Variants in IMMP2L observed in about 807,000 individuals in gnomAD.
IMMP2L encodes the protein mitochondrial inner membrane protease subunit 2.
A neutral mutation model predicts 19.3 loss-of-function variants in IMMP2L; 18 were observed. That is an observed-to-expected ratio of 0.93 (90% CI 0.64 to 1.38). The LOEUF (loss-of-function observed/expected upper bound fraction) is 1.38, where lower values mean the gene tolerates loss of function less well. Among genes scored for constraint, IMMP2L ranks in the 40% most tolerant of loss-of-function variants. The pLI is 0.00. For synonymous variants in IMMP2L, 76 were observed against 73.0 expected (o/e 1.04, Z -0.21); for missense variants, 233 against 218.2 (o/e 1.07, Z -0.43).
intron 3 of IMMP2L, among the ~76,000 whole-genome samples, chr7:111,446,042 G>T (rs373257483): frequency 1.3e-5 from 2 of 152,124 alleles, no homozygotes; most frequent in South Asian, 4.2e-4. Context: ...CCCACACCTG[G>T]CTCGGAGGGT....
intron 3 of IMMP2L, among the ~76,000 whole-genome samples, chr7:111,222,828 T>A (rs1330081682): frequency 6.6e-6 from 1 of 152,070 alleles, no homozygotes; most frequent in Non-Finnish European, 1.5e-5. Flanking sequence ...CTTCTAGTTA[T>A]ATGCCCTAAA....
intron 3 of IMMP2L, among the ~76,000 whole-genome samples, chr7:111,325,413 TATA>T (rs1335596448): frequency 7.3e-5 from 11 of 151,670 alleles, no homozygotes; most frequent in African/African-American, 2.4e-4. Flanking sequence ...GCAAAATAAA[TATA>T]ATGTTTTAAT....
At chr7:110,770,613 T>A (rs1332301872) in intron 5 of IMMP2L, among the ~76,000 whole-genome samples, 1 of 152,176 alleles carries the variant, frequency 6.6e-6, no homozygotes, top group Admixed American at 6.5e-5. Flanking sequence ...TTTTTATACA[T>A]ACAATACAGC....
At chr7:110,713,313 CTTACA>C (rs976354297) in intron 5 of IMMP2L, among the ~76,000 whole-genome samples, 1 of 152,174 alleles carries the variant, frequency 6.6e-6, no homozygotes, top group African/African-American at 2.4e-5. Context: ...TTACTGTGGA[CTTACA>C]TTACTAGTTT....
chr7:111,106,921 ATG>A lies in IMMP2L; in HGVS notation c.240-143358_240-143357del, dbSNP rs1798612547. ...CATTCATTCAATAGTACCATGCAGA[ATG>A]ATTTGCTTAATAGCATTTCTAATAT... On this transcript the variant is annotated intron_variant, in intron 3 of 5. Coordinates refer to ENST00000405709, the MANE Select transcript of IMMP2L (RefSeq NM_032549.4). 2.0e-5 allele frequency among the ~76,000 whole-genome samples: 3 copies of A among 151,938 alleles called. 1 individual carries two copies. Among genetic ancestry groups the A allele is most frequent in the Admixed American group, 1.3e-4 (2 of 15,204 alleles).
chr7:110,777,923 TA>T (rs944098067), intron 5 of IMMP2L, among the ~76,000 whole-genome samples: 32 of 152,138 alleles, frequency 2.1e-4, no homozygotes, highest in African/African-American at 7.2e-4. Flanking sequence ...TCTGTTAGTC[TA>T]AAAAGGGAAA....
intron 5 of IMMP2L, among the ~76,000 whole-genome samples, chr7:110,845,586 A>T (rs1805577823): frequency 6.6e-6 from 1 of 152,104 alleles, no homozygotes; most frequent in African/African-American, 2.4e-5. Flanking sequence ...CTCTTTACTA[A>T]ACTTATTTCC....
intron 5 of IMMP2L, among the ~76,000 whole-genome samples, chr7:110,779,435 GAAC>G (rs1215354697): frequency 6.6e-6 from 1 of 151,884 alleles, no homozygotes; most frequent in East Asian, 1.9e-4. Flanking sequence ...TACTAAATTT[GAAC>G]AATGGAGGTT....
intron 3 of IMMP2L, among the ~76,000 whole-genome samples, chr7:111,126,705 C>A (rs1399800653): frequency 2.0e-5 from 3 of 151,948 alleles, no homozygotes; most frequent in Non-Finnish European, 4.4e-5. Flanking sequence ...GTCATTTTTA[C>A]AAACAAACCC....
intron 3 of IMMP2L, among the ~76,000 whole-genome samples, chr7:111,257,624 C>T (rs1042124354): frequency 6.6e-6 from 1 of 151,988 alleles, no homozygotes; most frequent in Non-Finnish European, 1.5e-5. Context: ...CAAATTCTTC[C>T]AAGATTTTGC....
At chr7:111,200,409 G>A (rs903106485) in intron 3 of IMMP2L, among the ~76,000 whole-genome samples, 14 of 151,838 alleles carry the variant, frequency 9.2e-5, no homozygotes, top group African/African-American at 2.9e-4. Context: ...AAACATATTG[G>A]CTTTATTTAC....
intron 5 of IMMP2L, among the ~76,000 whole-genome samples, chr7:110,759,883 T>C (rs1477005342): frequency 6.6e-6 from 1 of 152,106 alleles, no homozygotes; most frequent in Admixed American, 6.6e-5. Context: ...AGTTGCTTAT[T>C]ATTATTAGAT....
chr7:111,240,134 A>G (rs1814830315), intron 3 of IMMP2L, among the ~76,000 whole-genome samples: 2 of 151,950 alleles, frequency 1.3e-5, no homozygotes. Flanking sequence ...AAAGGGTATC[A>G]ATAATATAGA....
chr7:111,253,034 A>G (rs1033694656), intron 3 of IMMP2L, among the ~76,000 whole-genome samples: 4 of 152,158 alleles, frequency 2.6e-5, no homozygotes, highest in Non-Finnish European at 5.9e-5. Context: ...GCTTCTTCTA[A>G]TTTCTACAAG....
intron 5 of IMMP2L, among the ~76,000 whole-genome samples, chr7:110,670,272 C>T (rs1241641196): frequency 6.6e-6 from 1 of 152,182 alleles, no homozygotes; most frequent in Non-Finnish European, 1.5e-5. Context: ...CAAACATATA[C>T]TGAACCCTTG....
Position 110,868,705 on chromosome 7 carries a change from C to T in IMMP2L, c.408+17888G>A, listed in dbSNP as rs1370163632. ...GTTTACATAAGAAGTCAGCCAGCAA[C>T]TGTCTTTAAATGAATAATTGCAATG... On this transcript the variant is annotated intron_variant, in intron 5 of 5. Coordinates refer to ENST00000405709, the MANE Select transcript of IMMP2L (RefSeq NM_032549.4). 2.0e-5 allele frequency among the ~76,000 whole-genome samples: 3 copies of T among 152,066 alleles called. No homozygotes were observed. In the East Asian group the frequency reaches 5.8e-4, roughly 29 times the overall value.
At chr7:111,318,102 G>A (rs188123567) in intron 3 of IMMP2L, among the ~76,000 whole-genome samples, 50 of 152,258 alleles carry the variant, frequency 3.3e-4, no homozygotes, top group Non-Finnish European at 2.9e-5. Context: ...GATTAGGGAA[G>A]TAAAAACTAC....
chr7:111,180,386 T>A (rs1807570463), intron 3 of IMMP2L, among the ~76,000 whole-genome samples: 1 of 151,948 alleles, frequency 6.6e-6, no homozygotes, highest in Non-Finnish European at 1.5e-5. Flanking sequence ...GGAAAAGAGA[T>A]CCGGAACCTG....
At chr7:111,529,728 T>C (rs1416149834) in intron 1 of IMMP2L, among the ~76,000 whole-genome samples, 1 of 152,126 alleles carries the variant, frequency 6.6e-6, no homozygotes, top group Non-Finnish European at 1.5e-5. Context: ...CCCTATAAAA[T>C]TGCTTCTTTC....
Sources: allele counts gnomAD v4.1 joint callset (sites outside exome capture counted in the v4.1 genomes callset), GRCh38; gene constraint gnomAD v4.1.1; transcripts MANE v1.5; gene names NCBI Gene and HGNC (gene_info 2026-07-23, HGNC 2026-07-21).